Variants in NSD1 observed in about 807,000 individuals in gnomAD.
NSD1 encodes histone-lysine N-methyltransferase, H3 lysine-36 specific.
NSD1 carries 26 observed loss-of-function variants against 242.7 expected under a neutral mutation model. The ratio of observed to expected loss-of-function variants is 0.11; its 90% CI spans 0.08 to 0.15. The LOEUF (loss-of-function observed/expected upper bound fraction) is 0.15. Ranked by LOEUF, NSD1 falls within the 10% of genes least tolerant of loss-of-function variation. The probability of loss-of-function intolerance (pLI) is 1.00; values close to 1 mark genes in which losing one functional copy is unlikely to be tolerated. For synonymous variants in NSD1, 1,106 were observed against 1,178.1 expected (o/e 0.94, Z 1.25); for missense variants, 2,495 against 3,272.8 (o/e 0.76, Z 5.80).
At chr5:177,235,142 C>A (rs554048476) in intron 5 of NSD1, among the ~76,000 whole-genome samples, 1 of 152,316 alleles carries the variant, frequency 6.6e-6, no homozygotes, top group African/African-American at 2.4e-5. Context: ...AATTCAGAGA[C>A]AGGAATGATG....
intron 3 of NSD1, among the ~76,000 whole-genome samples, chr5:177,195,845 T>C (rs1581264955): frequency 6.6e-6 from 1 of 152,262 alleles, no homozygotes; most frequent in East Asian, 1.9e-4. Context: ...CTTGTATAGA[T>C]TGAGTACTGT....
chr5:177,258,544 T>G lies in NSD1; in HGVS notation c.4966+1393T>G, dbSNP rs1036060413. ...GTTGTTGTTGTTGTTTGTTGTTGTT[T>G]TTTTTTTTGAGATGGAGTTTCACTT... On this transcript the variant is annotated intron_variant, in intron 13 of 22. Coordinates refer to ENST00000439151, the MANE Select transcript of NSD1 (RefSeq NM_022455.5). 2.7e-4 allele frequency among the ~76,000 whole-genome samples: 41 copies of G among 151,982 alleles called. 1 individual carries two copies. The East Asian group carries it at 4.1e-3, about 15-fold the overall frequency.
At position 177,134,613 on chromosome 5, in the gene NSD1, C is replaced by G. The variant is rs1434104289; in HGVS notation, c.-17-474C>G. ...TGCAAAGGCTCCGGCGCTGGCTGGG[C>G]GCAGGGTGCAGCGCTATTGTGACCG... On this transcript the variant is annotated intron_variant, in intron 1 of 22. Transcript: ENST00000439151. This position sits in a 1 kb window ranked among gnomAD's most constrained non-coding sequence, Gnocchi z 4.2. 6.6e-6 allele frequency among the ~76,000 whole-genome samples: 1 copy of G among 152,160 alleles called. No individual in the cohort carries two copies. The highest frequency in any genetic ancestry group is 2.4e-5 in the African/African-American group (1 of 41,452).
At chr5:177,132,916 G>C (rs1013604026), upstream of NSD1, 2 of 152,450 alleles carry the variant, frequency 1.3e-5, no homozygotes, top group Non-Finnish European at 2.9e-5. This position sits in a 1 kb window ranked among gnomAD's most constrained non-coding sequence, Gnocchi z 7.5. Flanking sequence ...CACCCGGGAC[G>C]ATCCAGCCTC....
rs1167912826 is a variant in NSD1, at chr5:177,291,977, A to G, written c.6282A>G (p.Glu2094=). The change falls in exon 22 of 23, where the codon GAA becomes GAG. Residue 2094 remains glutamate (E), a synonymous_variant. Transcript: ENST00000439151. The stretch of plus-strand genomic sequence containing the variant: ...AGAATCAACCCATTGCCACGGAAGA[A>G]AAGTCAAAGAAATTCAAGAAGAAGC... The part of the protein sequence containing the change: ...RPKNQPIATE[E]KSKKFKKKQQ... 1 of 1,613,960 alleles carries G rather than the reference A, an allele frequency of 6.2e-7. No individual in the cohort carries two copies. The highest frequency in any genetic ancestry group is 1.1e-5 in the South Asian group (1 of 91,042).
At chr5:177,213,560 C>A (rs941143432) in intron 5 of NSD1, among the ~76,000 whole-genome samples, 1 of 152,122 alleles carries the variant, frequency 6.6e-6, no homozygotes, top group Non-Finnish European at 1.5e-5. Context: ...CTCCGCCTCC[C>A]GGGTTCACGC....
At chr5:177,252,993 G>C (rs181089563) in intron 12 of NSD1, among the ~76,000 whole-genome samples, 1 of 152,028 alleles carries the variant, frequency 6.6e-6, no homozygotes, top group Non-Finnish European at 1.5e-5. Context: ...CTCTTATAAC[G>C]AGTTACTGGA....
intron 13 of NSD1, among the ~76,000 whole-genome samples, chr5:177,258,847 G>T (rs981993550): frequency 3.3e-5 from 5 of 151,080 alleles, no homozygotes; most frequent in Non-Finnish European, 4.4e-5. Flanking sequence ...GTGTTTTTTT[G>T]TTTGTTTTGT....
At chr5:177,244,494 C>T (rs1261725532) in intron 9 of NSD1, among the ~76,000 whole-genome samples, 1 of 152,108 alleles carries the variant, frequency 6.6e-6, no homozygotes, top group Non-Finnish European at 1.5e-5. Flanking sequence ...CTCTCTAAAG[C>T]GTTACAGAGA....
intron 8 of NSD1, 58 bp from the exon 9 acceptor site, chr5:177,244,137 A>G (rs368843320): frequency 8.0e-7 from 1 of 1,251,452 alleles, no homozygotes; most frequent in East Asian, 2.3e-5. Context: ...TGGCATATAA[A>G]GTAAAGGGTT....
At chr5:177,212,276 G>T in intron 5 of NSD1, 81 bp downstream of exon 5, 1 of 1,420,004 alleles carries the variant, frequency 7.0e-7, no homozygotes, top group Non-Finnish European at 9.7e-7. Flanking sequence ...TTGGTCTGTT[G>T]TAATGGTAAA....
intron 3 of NSD1, among the ~76,000 whole-genome samples, chr5:177,194,147 C>T (rs10056008): frequency 0.36 from 54,757 of 151,946 alleles, 13,151 homozygotes; most frequent in African/African-American, 0.68. Flanking sequence ...TGAGTAAATA[C>T]ATACTTCTTA....
chr5:177,153,941 G>A (rs185076625), intron 2 of NSD1, among the ~76,000 whole-genome samples: 13 of 152,200 alleles, frequency 8.5e-5, no homozygotes, highest in African/African-American at 3.1e-4. Flanking sequence ...GCAGCTTAGA[G>A]GAGTAAATAT....
chr5:177,192,149 CTT>C, intron 3 of NSD1, 130 bp downstream of exon 3: 1 of 781,204 alleles, frequency 1.3e-6, no homozygotes, highest in Non-Finnish European at 1.9e-6. Flanking sequence ...CATATTTTAT[CTT>C]TTGGGGCTTT....
At chr5:177,282,419 C>T (rs1292931711) in intron 18 of NSD1, 46 bp from the exon 19 acceptor site, 5 of 1,139,826 alleles carry the variant, frequency 4.4e-6, no homozygotes, top group Admixed American at 1.7e-5. Flanking sequence ...ATTTGGATAC[C>T]AGTGTCCTTT....
At chr5:177,227,623 T>C (rs571680061) in intron 5 of NSD1, among the ~76,000 whole-genome samples, 6 of 152,236 alleles carry the variant, frequency 3.9e-5, no homozygotes, top group South Asian at 2.1e-4. Context: ...GTATTTTTAG[T>C]AGGGACAGGG....
rs941343612 is a variant in NSD1 at position 177,294,223 on chromosome 5, A to G, written c.6855A>G (p.Arg2285=). The stretch of plus-strand genomic sequence containing the variant: ...TGCTACCTGAAAGACCTCTTGAGAG[A>G]ACTGACTCCAGGCCCCAGCCTTTAG... The part of the protein sequence containing the change: ...RPLLPERPLE[R]TDSRPQPLDK... The change falls in exon 23 of 23, where the codon AGA becomes AGG. Residue 2285 remains arginine, a synonymous_variant. Transcript: ENST00000439151. 1 of 1,613,336 alleles carries G rather than the reference A, an allele frequency of 6.2e-7. No individual in the cohort carries two copies. Among genetic ancestry groups the G allele is most frequent in the African/African-American group, 1.3e-5 (1 of 74,904 alleles).
rs187671905 is a variant in NSD1 at position 177,221,126 on chromosome 5, G to A, written c.3796+8931G>A. The stretch of plus-strand genomic sequence containing the variant: ...AGCCTGAAATGATCCACCCACTTTG[G>A]CCTCCCACAGTGCAGGGATTACAGG... On this transcript the variant is annotated intron_variant, in intron 5 of 22. Coordinates refer to ENST00000439151, the MANE Select transcript of NSD1 (RefSeq NM_022455.5). 4.0e-3 allele frequency: 1,700 copies of A among 430,140 alleles called. 4 individuals are homozygous for A. The highest frequency in any genetic ancestry group is 5.4e-3 in the Non-Finnish European group (1,155 of 214,992). 26.6% of individuals were successfully genotyped at this position (430,140 alleles called of 1,614,324 possible).
chr5:177,175,277 C>T (rs568647607), intron 2 of NSD1, among the ~76,000 whole-genome samples: 3 of 152,168 alleles, frequency 2.0e-5, no homozygotes, highest in East Asian at 1.9e-4. Context: ...CTTAATTTTC[C>T]GTAATTTATT....
Sources: gnomAD v4.1 joint callset for allele counts (sites outside exome capture counted in the v4.1 genomes callset) on GRCh38, gnomAD v4.1.1 for gene constraint, Gnocchi (gnomAD v3.1) non-coding constraint, MANE v1.5 for transcripts, NCBI Gene and HGNC (gene_info 2026-07-23, HGNC 2026-07-21) for gene names.